The following ERLIN1 variants were observed in gnomAD, a reference collection of about 807,000 sequenced individuals.
The protein encoded by ERLIN1 is ER lipid raft associated 1, also known as erlin-1.
A neutral mutation model predicts 46.9 loss-of-function variants in ERLIN1; 24 were observed. The ratio of observed to expected loss-of-function variants is 0.51; its 90% confidence interval spans 0.37 to 0.72. The LOEUF is 0.72. ERLIN1 is among the 30% of genes least tolerant of loss of function. The probability of loss-of-function intolerance (pLI) is 0.00; values close to 1 mark genes in which losing one functional copy is unlikely to be tolerated. For synonymous variants in ERLIN1, 158 were observed against 143.2 expected (o/e 1.10, Z -0.74); for missense variants, 293 against 417.9 (o/e 0.70, Z 2.61).
chr10:100,164,930 C>A (rs1843550517), intron 7 of ERLIN1, among the ~76,000 whole-genome samples: 1 of 151,736 alleles, frequency 6.6e-6, no homozygotes, highest in African/African-American at 2.4e-5. Context: ...TATATTTAGA[C>A]CTGGGTCCCA....
rs1842788375 is a variant in ERLIN1, at chr10:100,151,268, T to C, written c.*863A>G. 6.5e-6 allele frequency: 1 copy of C among 152,734 alleles called. No individual in the cohort carries two copies. Among genetic ancestry groups the C allele is most frequent in the African/African-American group, 2.4e-5 (1 of 41,458 alleles). 9.5% of individuals were successfully genotyped at this position (152,734 alleles called of 1,614,324 possible). The stretch of plus-strand genomic sequence containing the variant: ...TGTGGTTAAAACCCTGTCCCACTCT[T>C]GGCCAGAGCTGAAAGGTAACATACA... On this transcript the variant is annotated 3_prime_UTR_variant, in exon 11 of 11. Coordinates refer to ENST00000421367, the MANE Select transcript of ERLIN1 (RefSeq NM_006459.4).
chr10:100,175,836 C>A, intron 5 of ERLIN1, 109 bp downstream of exon 5: 1 of 831,306 alleles, frequency 1.2e-6, no homozygotes, highest in Non-Finnish European at 1.7e-6. Flanking sequence ...ATGATAAATT[C>A]AGAAGAAATG....
intron 5 of ERLIN1, among the ~76,000 whole-genome samples, chr10:100,174,859 A>T (rs1476212932): frequency 6.6e-6 from 1 of 152,220 alleles, no homozygotes; most frequent in Non-Finnish European, 1.5e-5. Context: ...CAGCATGAAC[A>T]CTTGGGCTTG....
rs776221273 is a variant in ERLIN1, at chr10:100,179,262, A to G, written c.196-15T>C. 3.2e-6 allele frequency: 5 copies of G among 1,578,580 alleles called. No homozygotes were observed. The highest frequency in any genetic ancestry group is 2.3e-5 in the East Asian group (1 of 44,158). On this transcript the variant is annotated splice_polypyrimidine_tract_variant and intron_variant, in intron 2 of 10. Transcript: ENST00000421367. The stretch of plus-strand genomic sequence containing the variant: ...TGTAGTGTTGTCTAGGGAGGAAAAG[A>G]TATCTCATCAACACTCAAGACACAC...
chr10:100,154,189 C>T (rs925232522), intron 10 of ERLIN1, among the ~76,000 whole-genome samples: 4 of 152,228 alleles, frequency 2.6e-5, no homozygotes, highest in African/African-American at 9.6e-5. Context: ...AGCCCCTGCT[C>T]ACTAGCCCTG....
chr10:100,164,164 C>A, intron 7 of ERLIN1, 69 bp from the exon 8 acceptor site: 1 of 1,021,998 alleles, frequency 9.8e-7, no homozygotes. Context: ...GTAATTCTGA[C>A]CCTACAGTGA....
intron 6 of ERLIN1, among the ~76,000 whole-genome samples, chr10:100,168,345 A>G (rs962825904): frequency 3.3e-5 from 5 of 152,246 alleles, no homozygotes. Context: ...TATGAAATAG[A>G]TGAGTCAAAT....
intron 6 of ERLIN1, among the ~76,000 whole-genome samples, chr10:100,168,050 C>T (rs912635860): frequency 2.0e-5 from 3 of 152,198 alleles, no homozygotes; most frequent in African/African-American, 7.2e-5. Flanking sequence ...TTTCCCTAAT[C>T]ATAGTGTTCT....
At chr10:100,184,830 G>C (rs182119891) in intron 1 of ERLIN1, among the ~76,000 whole-genome samples, 1 of 152,320 alleles carries the variant, frequency 6.6e-6, no homozygotes, top group East Asian at 1.9e-4. Flanking sequence ...GCAAAAAGTT[G>C]ACGCTCTTTT....
At position 100,151,880 on chromosome 10, in the gene ERLIN1, T is replaced by A. The variant is rs1842817330; in HGVS notation, c.*251A>T. On this transcript the variant is annotated 3_prime_UTR_variant, in exon 11 of 11. Coordinates refer to ENST00000421367, the MANE Select transcript of ERLIN1 (RefSeq NM_006459.4). Reference sequence around the variant, plus strand: ...CAGGCAGTATCTTAGCATCAGACTTTCCTCATTCATGAGTAGCAGTTTAGA... The same window carrying A: ...CAGGCAGTATCTTAGCATCAGACTTACCTCATTCATGAGTAGCAGTTTAGA... The A allele has an allele frequency of 1.9e-6, 1 of 522,254 alleles. No individual in the cohort carries two copies. Among genetic ancestry groups the A allele is most frequent in the South Asian group, 2.0e-5 (1 of 49,658 alleles). The allele number at this position is 522,254 out of a possible 1,614,324, so 32.4% of individuals were successfully genotyped here.
chr10:100,176,212 A>C lies in ERLIN1; in HGVS notation c.305-142T>G, dbSNP rs868242677. The stretch of plus-strand genomic sequence containing the variant: ...ATAGTGAAACCAAAAACCACAACTA[A>C]CAAATCTTGATGTGTTGCTTGTGCT... On this transcript the variant is annotated intron_variant, in intron 4 of 10. Coordinates refer to ENST00000421367, the MANE Select transcript of ERLIN1 (RefSeq NM_006459.4). 2.7e-5 allele frequency: 17 copies of C among 628,044 alleles called. No homozygotes were observed. In the South Asian group the frequency reaches 4.6e-4, roughly 17 times the overall value. The allele number at this position is 628,044 out of a possible 1,614,324, so 38.9% of individuals were successfully genotyped here.
intron 1 of ERLIN1, among the ~76,000 whole-genome samples, chr10:100,184,737 T>C (rs76409882): frequency 0.029 from 4,456 of 152,318 alleles, 107 homozygotes; most frequent in Non-Finnish European, 0.048. Context: ...TCTGCTAAGA[T>C]ATACCATTAA....
At chr10:100,170,103 G>C (rs1055016534) in intron 6 of ERLIN1, among the ~76,000 whole-genome samples, 8 of 152,252 alleles carry the variant, frequency 5.3e-5, no homozygotes, top group Middle Eastern at 3.4e-3. Flanking sequence ...AACTCATCTG[G>C]AAGATTAAGC....
intron 6 of ERLIN1, among the ~76,000 whole-genome samples, chr10:100,171,430 ACAGGGT>A (rs1338160774): frequency 8.0e-4 from 122 of 152,208 alleles, no homozygotes; most frequent in Non-Finnish European, 1.6e-3. Flanking sequence ...TTATTTATAG[ACAGGGT>A]TTTGCTCTGT....
rs529590322 is a variant in ERLIN1, at chr10:100,167,685, C to T, written c.505-279G>A. Reference sequence around the variant, plus strand: ...ACAACTGCCTTATGAAAAAGGTTCTCACTTAAAAGATGTTTTACAAAGGTC... The same window carrying T: ...ACAACTGCCTTATGAAAAAGGTTCTTACTTAAAAGATGTTTTACAAAGGTC... On this transcript the variant is annotated intron_variant, in intron 6 of 10. Coordinates refer to ENST00000421367, the MANE Select transcript of ERLIN1 (RefSeq NM_006459.4). 1.5e-3 allele frequency among the ~76,000 whole-genome samples: 226 copies of T among 152,308 alleles called. 1 individual carries two copies. Among genetic ancestry groups the T allele is most frequent in the Non-Finnish European group, 2.5e-3 (172 of 68,016 alleles).
intron 7 of ERLIN1, among the ~76,000 whole-genome samples, chr10:100,166,101 A>AG (rs759947167): frequency 6.6e-6 from 1 of 152,220 alleles, no homozygotes; most frequent in Non-Finnish European, 1.5e-5. Context: ...TACTTTTAAA[A>AG]GAAGAGTTCT....
At chr10:100,160,402 C>CA (rs1843302476) in intron 8 of ERLIN1, among the ~76,000 whole-genome samples, 1 of 152,054 alleles carries the variant, frequency 6.6e-6, no homozygotes, top group Non-Finnish European at 1.5e-5. Flanking sequence ...CCATGCTCTT[C>CA]AACTCATCTT....
rs546409864 is a variant in ERLIN1 at position 100,158,037 on chromosome 10, G to A, written c.656-1803C>T. On this transcript the variant is annotated intron_variant, in intron 8 of 10. Coordinates refer to ENST00000421367, the MANE Select transcript of ERLIN1 (RefSeq NM_006459.4). ...AAGTAACTTAAGCCAAGGGGGAGCC[G>A]AGAGCCTGTATGGTGGTGTCCCTGG... is the stretch of plus-strand genomic sequence containing the variant. Among the ~76,000 whole-genome samples, 249 of 152,310 alleles carry A rather than the reference G, an allele frequency of 1.6e-3. 5 individuals carry two copies. Among genetic ancestry groups the A allele is most frequent in the Non-Finnish European group, 2.1e-4 (14 of 68,018 alleles).
Position 100,167,370 on chromosome 10 carries a change from T to C in ERLIN1, c.541A>G (p.Ile181Val). ...RVTKPKIPEA[I>V]RRNFELMEAE... ...CACATTAACTCAAAATTTCTTCTTATGGCTTCTGGGATTTTGGGTTTTGTA... is the reference window on the plus strand; with the variant it reads ...CACATTAACTCAAAATTTCTTCTTACGGCTTCTGGGATTTTGGGTTTTGTA... Residue 181 changes from isoleucine to valine, a missense_variant, in exon 7 of 11, where the codon ATA (isoleucine) becomes GTA (valine). Physicochemically the swap from Ile to Val is conservative, Grantham distance 29. Around this residue, in one of 3 missense-constraint regions of ERLIN1, gnomAD observed 148 missense variants for 266.5 expected, o/e 0.56. Transcript: ENST00000421367. 1.9e-6 allele frequency: 3 copies of C among 1,613,606 alleles called. No individual in the cohort carries two copies. Among genetic ancestry groups the C allele is most frequent in the South Asian group, 1.1e-5 (1 of 91,064 alleles).
Sources: gnomAD v4.1 joint callset for allele counts (sites outside exome capture counted in the v4.1 genomes callset) on GRCh38, gnomAD v4.1.1 for gene constraint, gnomAD v4.1.1 regional missense constraint, MANE v1.5 for transcripts, NCBI Gene and HGNC (gene_info 2026-07-23, HGNC 2026-07-21) for gene names.